SGF29: variants seen among roughly 807,000 people sequenced by gnomAD.
SGF29 encodes the protein SAGA-associated factor 29.
SGF29 carries 15 observed loss-of-function variants against 38.1 expected under a neutral mutation model. The observed-to-expected ratio is 0.39, with a 90% CI of 0.26 to 0.61. SGF29 has a LOEUF of 0.61. Among genes scored for constraint, SGF29 ranks in the 20% least tolerant of loss-of-function variants. The pLI is 0.49. For synonymous variants in SGF29, 151 were observed against 160.8 expected (o/e 0.94, Z 0.46); for missense variants, 184 against 394.6 (o/e 0.47, Z 4.52).
intron 1 of SGF29, among the ~76,000 whole-genome samples, chr16:28,555,767 C>T (rs760911625): frequency 6.6e-6 from 1 of 152,116 alleles, no homozygotes; most frequent in Non-Finnish European, 1.5e-5. Context: ...ATCACATTTC[C>T]CTAGCTTTGT....
rs1175844261 is a variant in SGF29, at chr16:28,564,632, TAC to T, written c.-16+10536_-16+10537del. 2.4e-4 allele frequency among the ~76,000 whole-genome samples: 30 copies of T among 127,074 alleles called. No homozygotes were observed. The East Asian group carries it at 3.9e-3, about 16-fold the overall frequency. 83.4% of individuals were successfully genotyped at this position (127,074 alleles called of 152,430 possible). On this transcript the variant is annotated intron_variant, in intron 1 of 9. Transcript: ENST00000317058. ...ATATATATACATATATGCATATATATACGTATATATGTGTATATATACGTATA... is the reference window on the plus strand; with the variant it reads ...ATATATATACATATATGCATATATATGTATATATGTGTATATATACGTATA...
chr16:28,584,682 G>A (rs1018809468), intron 2 of SGF29, among the ~76,000 whole-genome samples: 37 of 152,004 alleles, frequency 2.4e-4, no homozygotes, highest in East Asian at 3.9e-4. Flanking sequence ...CCAGCTACTC[G>A]GGAGGCTGAG....
chr16:28,562,901 C>CT (rs1158213993), intron 1 of SGF29, among the ~76,000 whole-genome samples: 3 of 77,406 alleles, frequency 3.9e-5, no homozygotes, highest in Admixed American at 1.8e-4. Flanking sequence ...GAGACCCTGT[C>CT]TCAAAAAAAA....
At chr16:28,566,263 G>C (rs567734194) in intron 1 of SGF29, among the ~76,000 whole-genome samples, 1 of 149,316 alleles carries the variant, frequency 6.7e-6, no homozygotes, top group South Asian at 2.1e-4. Flanking sequence ...AACAGATCAA[G>C]ACTCTGTCTC....
intron 1 of SGF29, among the ~76,000 whole-genome samples, chr16:28,559,241 G>A (rs1476508270): frequency 6.6e-6 from 1 of 152,106 alleles, no homozygotes; most frequent in Admixed American, 6.6e-5. Context: ...GATTGACTGA[G>A]CCAAAGAAGT....
intron 1 of SGF29, among the ~76,000 whole-genome samples, chr16:28,563,327 C>G (rs1001044318): frequency 6.6e-6 from 1 of 152,150 alleles, no homozygotes; most frequent in Non-Finnish European, 1.5e-5. Flanking sequence ...AGATGGTCCA[C>G]TTTGAAAGTT....
rs1259173439 is a variant in SGF29, at chr16:28,590,555, G to T, written c.567-76G>T. 1.2e-6 allele frequency: 2 copies of T among 1,611,950 alleles called. No homozygotes were observed. The highest frequency in any genetic ancestry group is 2.7e-5 in the African/African-American group (2 of 74,862). ...AGGCTGGTTGTGCAGGGAGCACCAG[G>T]TCCTCCCCCATCCTCACTCCCCAAC... On this transcript the variant is annotated intron_variant, in intron 7 of 9. Coordinates refer to ENST00000317058, the MANE Select transcript of SGF29 (RefSeq NM_138414.3). The surrounding 1 kb of genome is among the most constrained non-coding windows in gnomAD (Gnocchi z 8.2).
intron 1 of SGF29, among the ~76,000 whole-genome samples, chr16:28,564,748 T>TATATATGTATATATATACAC: frequency 1.4e-5 from 1 of 70,926 alleles, no homozygotes; most frequent in Non-Finnish European, 2.8e-5. Flanking sequence ...TATATATGTA[T>TATATATGTATATATATACAC]ATATATGTAT....
intron 1 of SGF29, among the ~76,000 whole-genome samples, chr16:28,559,859 A>G (rs936854624): frequency 6.6e-6 from 1 of 152,192 alleles, no homozygotes; most frequent in Admixed American, 6.6e-5. Context: ...GAAACAAAAC[A>G]CCAAACTCTC....
intron 1 of SGF29, among the ~76,000 whole-genome samples, chr16:28,564,681 ATATG>A (rs1477670267): frequency 7.8e-5 from 7 of 89,356 alleles, no homozygotes; most frequent in African/African-American, 1.4e-4. Context: ...ATATGTATAT[ATATG>A]TGTATATATA....
chr16:28,579,086 T>A (rs2046911074), intron 1 of SGF29, among the ~76,000 whole-genome samples: 1 of 151,508 alleles, frequency 6.6e-6, no homozygotes, highest in Non-Finnish European at 1.5e-5. Flanking sequence ...TGCCCCCAGC[T>A]TGAACAAACT....
intron 1 of SGF29, among the ~76,000 whole-genome samples, chr16:28,577,167 CATTAAAAA>C (rs1032562386): frequency 6.7e-6 from 1 of 149,912 alleles, no homozygotes; most frequent in African/African-American, 2.5e-5. Context: ...GACTCTGTCT[CATTAAAAA>C]AGAAAAAAAA....
intron 1 of SGF29, among the ~76,000 whole-genome samples, chr16:28,569,963 C>T (rs1413647803): frequency 1.3e-5 from 2 of 152,218 alleles, no homozygotes; most frequent in African/African-American, 4.8e-5. Context: ...GCTGTAGGGG[C>T]ATGGCTACCC....
chr16:28,590,857 G>T lies in SGF29; in HGVS notation c.687G>T (p.Gln229His). The T allele has an allele frequency of 1.9e-6, 3 of 1,613,998 alleles. No individual in the cohort carries two copies. The Admixed American group carries it at 5.0e-5, about 27-fold the overall frequency. ...NPETDPEALF[Q>H]KEQLVLALYP... ...AGACGGACCCTGAGGCCTTGTTCCA[G>T]AAGGAGCAGCTCGTGCTGGCCCTGT... is the stretch of plus-strand genomic sequence containing the variant. The change falls in exon 9 of 10, where the codon CAG (glutamine) becomes CAT (histidine). Residue 229 changes from glutamine to histidine, a missense_variant. Physicochemically the swap from Gln to His is conservative, Grantham distance 24. This residue lies in a region of SGF29 where 107 missense variants were observed against 276.9 expected (regional missense o/e 0.39). Transcript: ENST00000317058. The surrounding 1 kb of genome is among the most constrained non-coding windows in gnomAD (Gnocchi z 8.2).
At chr16:28,561,569 GGAAA>G (rs374914394) in intron 1 of SGF29, among the ~76,000 whole-genome samples, 3 of 152,012 alleles carry the variant, frequency 2.0e-5, no homozygotes, top group African/African-American at 7.2e-5. Context: ...AAGGTGCAGG[GGAAA>G]GAAAGAAAGA....
intron 1 of SGF29, among the ~76,000 whole-genome samples, chr16:28,560,292 A>G (rs2046778804): frequency 6.6e-6 from 1 of 151,810 alleles, no homozygotes; most frequent in Non-Finnish European, 1.5e-5. Flanking sequence ...TGTGTTCACA[A>G]AAAAAGGCAA....
intron 1 of SGF29, among the ~76,000 whole-genome samples, chr16:28,555,672 A>C (rs1431914329): frequency 1.3e-5 from 2 of 152,222 alleles, no homozygotes; most frequent in Admixed American, 1.3e-4. Context: ...GCAAACCCTC[A>C]GGAAACTCAC....
intron 1 of SGF29, among the ~76,000 whole-genome samples, chr16:28,574,832 C>T (rs549808706): frequency 6.6e-6 from 1 of 152,324 alleles, no homozygotes; most frequent in East Asian, 1.9e-4. Context: ...GCTGATCATG[C>T]TCAGATTTAT....
intron 3 of SGF29, 118 bp downstream of exon 3, chr16:28,585,106 C>G: frequency 1.4e-6 from 1 of 727,300 alleles, no homozygotes; most frequent in Non-Finnish European, 2.3e-6. Context: ...CTGCATATTC[C>G]AAAATGCAGC....
Sources: allele counts gnomAD v4.1 joint callset (sites outside exome capture counted in the v4.1 genomes callset), GRCh38; gene constraint gnomAD v4.1.1; regional missense constraint gnomAD v4.1.1; non-coding constraint Gnocchi (gnomAD v3.1); transcripts MANE v1.5; gene names NCBI Gene and HGNC (gene_info 2026-07-23, HGNC 2026-07-21).